PSD3: variants seen among roughly 807,000 people sequenced by gnomAD.
PSD3 encodes PH and SEC7 domain-containing protein 3.
A neutral mutation model predicts 105.5 loss-of-function variants in PSD3; 49 were observed. The observed-to-expected ratio is 0.46, with a 90% CI of 0.37 to 0.59. The LOEUF is 0.59. Among genes scored for constraint, PSD3 ranks in the 20% least tolerant of loss-of-function variants. The probability of loss-of-function intolerance (pLI) is 0.00; values close to 1 mark genes in which losing one functional copy is unlikely to be tolerated. For missense variants in PSD3, 1,561 were observed against 1,263.8 expected (o/e 1.24, Z -3.57); for synonymous variants, 557 against 457.8 (o/e 1.22, Z -2.77).
chr8:18,676,326 G>T (rs1175948618), intron 9 of PSD3, among the ~76,000 whole-genome samples: 1 of 152,104 alleles, frequency 6.6e-6, no homozygotes, highest in Non-Finnish European at 1.5e-5. Flanking sequence ...AATGCAGTAC[G>T]ACCTTGGGAG....
At chr8:18,972,404 C>T (rs1161871008) in intron 1 of PSD3, among the ~76,000 whole-genome samples, 1 of 152,224 alleles carries the variant, frequency 6.6e-6, no homozygotes, top group Non-Finnish European at 1.5e-5. Context: ...GATCAAAGAG[C>T]AGCAGTTATC....
At chr8:18,879,882 A>C (rs1818005565) in intron 2 of PSD3, among the ~76,000 whole-genome samples, 1 of 152,140 alleles carries the variant, frequency 6.6e-6, no homozygotes, top group African/African-American at 2.4e-5. Flanking sequence ...TACGGCGTGA[A>C]CTAACGCATT....
At chr8:18,984,309 A>G (rs1177360878) in intron 1 of PSD3, among the ~76,000 whole-genome samples, 2 of 151,980 alleles carry the variant, frequency 1.3e-5, no homozygotes, top group Non-Finnish European at 2.9e-5. Flanking sequence ...GAACTACACA[A>G]TTCTCAACAG....
At position 19,064,337 on chromosome 8, in the gene PSD3, T is replaced by G. The variant is rs1321649966; in HGVS notation, c.324+19869A>C. 4.6e-5 allele frequency among the ~76,000 whole-genome samples: 7 copies of G among 152,176 alleles called. No individual in the cohort carries two copies. In the East Asian group the frequency reaches 1.2e-3, roughly 25 times the overall value. On this transcript the variant is annotated intron_variant, in intron 1 of 1. Coordinates refer to the PSD3 transcript ENST00000521475. ...TCTTTTTTCTCCGTTTTTGATTCGT[T>G]TCTTAAAAAATATTTTTAATTATTA... is the stretch of plus-strand genomic sequence containing the variant.
chr8:18,775,681 G>C (rs1275359243), intron 8 of PSD3, among the ~76,000 whole-genome samples: 1 of 152,082 alleles, frequency 6.6e-6, no homozygotes, highest in African/African-American at 2.4e-5. Flanking sequence ...TTAAAATCGA[G>C]TTATTTGACC....
intron 11 of PSD3, among the ~76,000 whole-genome samples, chr8:18,611,274 T>G (rs1805245017): frequency 6.6e-6 from 1 of 152,050 alleles, no homozygotes; most frequent in South Asian, 2.1e-4. Context: ...AAAAAGGTTT[T>G]TCTTTTAACC....
intron 11 of PSD3, among the ~76,000 whole-genome samples, chr8:18,614,110 T>C (rs1478896291): frequency 2.0e-5 from 3 of 152,250 alleles, no homozygotes; most frequent in Non-Finnish European, 4.4e-5. Flanking sequence ...CTCTTCTTAG[T>C]TGACATGCCT....
chr8:18,908,010 T>C (rs1819959909), intron 2 of PSD3, among the ~76,000 whole-genome samples: 1 of 152,222 alleles, frequency 6.6e-6, no homozygotes, highest in Admixed American at 6.5e-5. Flanking sequence ...AATCAAACTA[T>C]CTGTAGAATA....
intron 2 of PSD3, among the ~76,000 whole-genome samples, chr8:18,885,763 CAG>C (rs936297135): frequency 7.9e-5 from 12 of 152,116 alleles, no homozygotes; most frequent in Admixed American, 6.5e-4. Flanking sequence ...GCAAATTTTG[CAG>C]AGAGTTGAAA....
intron 2 of PSD3, among the ~76,000 whole-genome samples, chr8:18,918,495 T>C (rs953413321): frequency 3.3e-5 from 5 of 152,222 alleles, no homozygotes; most frequent in Non-Finnish European, 2.9e-5. Context: ...AGGCTTCATA[T>C]TTCTACCTCT....
chr8:19,016,797 C>T (rs1176679861), upstream of PSD3, among the ~76,000 whole-genome samples: 1 of 152,154 alleles, frequency 6.6e-6, no homozygotes, highest in East Asian at 1.9e-4. Flanking sequence ...GAAAGCATCA[C>T]ATAGCAAGCA....
intron 8 of PSD3, among the ~76,000 whole-genome samples, chr8:18,775,324 G>T (rs751910715): frequency 6.6e-6 from 1 of 152,026 alleles, no homozygotes; most frequent in Non-Finnish European, 1.5e-5. Context: ...AATAAACATG[G>T]GAGTGCAGAC....
chr8:18,591,340 A>G (rs1803589288), intron 12 of PSD3, among the ~76,000 whole-genome samples: 1 of 152,098 alleles, frequency 6.6e-6, no homozygotes, highest in Admixed American at 6.6e-5. Flanking sequence ...GTTCAATTGG[A>G]ATACTGAGGG....
intron 1 of PSD3, among the ~76,000 whole-genome samples, chr8:19,066,950 A>G (rs1829094573): frequency 6.6e-6 from 1 of 152,172 alleles, no homozygotes; most frequent in African/African-American, 2.4e-5. Context: ...TATTTATTCA[A>G]TGACTGTCTT....
At chr8:18,562,563 G>C (rs1466610783) in intron 14 of PSD3, among the ~76,000 whole-genome samples, 1 of 152,098 alleles carries the variant, frequency 6.6e-6, no homozygotes, top group Non-Finnish European at 1.5e-5. Flanking sequence ...CTGGACTCAG[G>C]GTTACTCACC....
chr8:18,605,966 T>C (rs552137318), intron 11 of PSD3, among the ~76,000 whole-genome samples: 34 of 152,186 alleles, frequency 2.2e-4, no homozygotes, highest in African/African-American at 2.4e-4. Context: ...TGTGGATCTG[T>C]GAGCCAATTA....
chr8:18,600,058 A>G (rs1804324375), intron 12 of PSD3, among the ~76,000 whole-genome samples: 2 of 152,160 alleles, frequency 1.3e-5, no homozygotes, highest in Admixed American at 1.3e-4. Flanking sequence ...GTCATCACAG[A>G]GATGTCTATT....
chr8:18,714,951 TA>T (rs1186081595), intron 9 of PSD3, among the ~76,000 whole-genome samples: 1 of 152,098 alleles, frequency 6.6e-6, no homozygotes, highest in African/African-American at 2.4e-5. Context: ...TATGCAGCCA[TA>T]AAAAGGAATG....
chr8:18,696,646 G>A (rs1801277542), intron 9 of PSD3, among the ~76,000 whole-genome samples: 1 of 152,162 alleles, frequency 6.6e-6, no homozygotes, highest in South Asian at 2.1e-4. Context: ...AAGTATCACA[G>A]TCACTCATCA....
Sources: gnomAD v4.1 joint callset for allele counts (sites outside exome capture counted in the v4.1 genomes callset) on GRCh38, gnomAD v4.1.1 for gene constraint, MANE v1.5 for transcripts, NCBI Gene and HGNC (gene_info 2026-07-23, HGNC 2026-07-21) for gene names.